The following ECHDC2 variants were observed in gnomAD, a reference collection of about 807,000 sequenced individuals.
ECHDC2 encodes the protein enoyl-CoA hydratase domain containing 2.
ECHDC2 carries 34 observed loss-of-function variants against 40.6 expected under a neutral mutation model. That is an observed-to-expected ratio of 0.84 (90% CI 0.64 to 1.11). The LOEUF is 1.11. Ranked by LOEUF, ECHDC2 falls within the 50% of genes most tolerant of loss-of-function variation. The pLI is 0.00. For synonymous variants in ECHDC2, 162 were observed against 166.6 expected (o/e 0.97, Z 0.21); for missense variants, 392 against 400.7 (o/e 0.98, Z 0.19).
intron 1 of ECHDC2, chr1:52,920,364 A>G: frequency 1.5e-6 from 1 of 680,762 alleles, no homozygotes. Flanking sequence ...TCAAGCCGGT[A>G]AAAAGGAAGC....
chr1:52,899,013 A>T, intron 8 of ECHDC2, 161 bp downstream of exon 8: 1 of 734,754 alleles, frequency 1.4e-6, no homozygotes, highest in South Asian at 1.5e-5. Flanking sequence ...GCCAATTTGC[A>T]GATGTGTAAA....
intron 1 of ECHDC2, among the ~76,000 whole-genome samples, chr1:52,918,382 A>G (rs1651186508): frequency 6.6e-6 from 1 of 151,604 alleles, no homozygotes; most frequent in Non-Finnish European, 1.5e-5. Context: ...AAAAGAAAAG[A>G]AAAAAGTTCA....
At chr1:52,908,731 C>G (rs1450224732) in intron 3 of ECHDC2, among the ~76,000 whole-genome samples, 1 of 151,848 alleles carries the variant, frequency 6.6e-6, no homozygotes. Flanking sequence ...GTCACGAGTT[C>G]AAGACCAGCC....
rs186622678 is a variant in ECHDC2, at chr1:52,911,797, G to A, written c.122-7C>T. On this transcript the variant is annotated splice_region_variant and splice_polypyrimidine_tract_variant and intron_variant, in intron 1 of 9. Coordinates refer to ENST00000371522, the MANE Select transcript of ECHDC2 (RefSeq NM_001198961.2). ...ATCAGAATCTCAGTGATCCCTGTAA[G>A]GAGTCAGGGCAGCCACGGGAAAGCA... 7 of 1,613,818 alleles carry A rather than the reference G, an allele frequency of 4.3e-6. No individual in the cohort carries two copies. The highest frequency in any genetic ancestry group is 5.1e-6 in the Non-Finnish European group (6 of 1,179,920).
chr1:52,900,249 G>A (rs901212440), intron 7 of ECHDC2: 6 of 152,116 alleles, frequency 3.9e-5, no homozygotes, highest in African/African-American at 7.2e-5. Context: ...TACTACTGCC[G>A]AGACTGGGGA....
chr1:52,898,001 CTCT>C (rs1281547119), intron 8 of ECHDC2: 2 of 188,436 alleles, frequency 1.1e-5, no homozygotes, highest in Non-Finnish European at 2.3e-5. Flanking sequence ...CTTGCACTCT[CTCT>C]TCTTCCCTCA....
chr1:52,913,121 CAG>C (rs1194543398), intron 1 of ECHDC2: 1 of 152,218 alleles, frequency 6.6e-6, no homozygotes, highest in African/African-American at 2.4e-5. Context: ...GTCTTTCCCT[CAG>C]AGATTATCTG....
At chr1:52,918,606 A>T (rs1168687650) in intron 1 of ECHDC2, among the ~76,000 whole-genome samples, 2 of 152,244 alleles carry the variant, frequency 1.3e-5, no homozygotes, top group Non-Finnish European at 2.9e-5. Context: ...AGCTTATAAA[A>T]TAAGGATCTA....
chr1:52,912,538 G>C (rs1361662416), intron 1 of ECHDC2, among the ~76,000 whole-genome samples: 3 of 151,592 alleles, frequency 2.0e-5, no homozygotes, highest in African/African-American at 7.3e-5. Context: ...TCTTCCTCTA[G>C]AGTTTGAGGA....
chr1:52,901,906 T>C (rs1571921156), intron 7 of ECHDC2: 1 of 152,280 alleles, frequency 6.6e-6, no homozygotes, highest in East Asian at 1.9e-4. Flanking sequence ...AGCCACTCCA[T>C]TGAGTGACCC....
At chr1:52,904,512 G>T in intron 7 of ECHDC2, 134 bp downstream of exon 7, 1 of 789,432 alleles carries the variant, frequency 1.3e-6, no homozygotes, top group Non-Finnish European at 1.9e-6. Flanking sequence ...TTTACTGGAT[G>T]GTTAAACAAA....
At chr1:52,904,118 C>T (rs1303601013) in intron 7 of ECHDC2, among the ~76,000 whole-genome samples, 1 of 152,110 alleles carries the variant, frequency 6.6e-6, no homozygotes, top group Non-Finnish European at 1.5e-5. Flanking sequence ...GCCCAGCCCA[C>T]ATGTTGTATT....
intron 9 of ECHDC2, 119 bp from the exon 10 acceptor site, chr1:52,896,716 A>G: frequency 4.9e-6 from 4 of 812,246 alleles, no homozygotes; most frequent in Non-Finnish European, 8.1e-6. Flanking sequence ...TTGTCTCTGG[A>G]CTCTGATCTT....
chr1:52,897,563 C>G, intron 8 of ECHDC2, 79 bp from the exon 9 acceptor site: 1 of 1,352,570 alleles, frequency 7.4e-7, no homozygotes, highest in Non-Finnish European at 1.1e-6. Context: ...CACCCTATTG[C>G]CTACAGACAT....
intron 1 of ECHDC2, among the ~76,000 whole-genome samples, chr1:52,918,473 C>T (rs1055691933): frequency 7.9e-5 from 12 of 151,968 alleles, no homozygotes; most frequent in African/African-American, 1.7e-4. Context: ...TGCACGTTAT[C>T]GCCCCTGAAG....
chr1:52,920,423 G>A, intron 1 of ECHDC2: 1 of 945,642 alleles, frequency 1.1e-6, no homozygotes, highest in Non-Finnish European at 1.6e-6. Context: ...CCACGAAGGT[G>A]GCAAGAAGCC....
Position 52,904,611 on chromosome 1 carries a change from C to G in ECHDC2, c.702+35G>C, listed in dbSNP as rs749094303. 2.6e-6 allele frequency: 4 copies of G among 1,531,238 alleles called. No homozygotes were observed. The South Asian group carries it at 5.1e-5, about 19-fold the overall frequency. 94.9% of individuals were successfully genotyped at this position (1,531,238 alleles called of 1,614,324 possible). ...CCCCACACATGCCTCCCCCATGACT[C>G]CAGCCCTCCTTCTGGTGCCGAGCTG... On this transcript the variant is annotated intron_variant, in intron 7 of 9. Transcript: ENST00000371522.
chr1:52,918,458 C>T (rs1651205424), intron 1 of ECHDC2, among the ~76,000 whole-genome samples: 2 of 151,990 alleles, frequency 1.3e-5, no homozygotes, highest in African/African-American at 4.8e-5. Flanking sequence ...GAGATGGCAG[C>T]TCCATGCACG....
intron 1 of ECHDC2, among the ~76,000 whole-genome samples, chr1:52,916,032 C>T (rs919775633): frequency 7.2e-5 from 11 of 152,160 alleles, no homozygotes; most frequent in African/African-American, 1.9e-4. Flanking sequence ...AGCAACCTGA[C>T]GACCTTGGAA....
Sources: gnomAD v4.1 joint callset for allele counts (sites outside exome capture counted in the v4.1 genomes callset) on GRCh38, gnomAD v4.1.1 for gene constraint, MANE v1.5 for transcripts, NCBI Gene and HGNC (gene_info 2026-07-23, HGNC 2026-07-21) for gene names.